Variants in MYO5B observed in about 807,000 individuals in gnomAD.
MYO5B encodes the protein unconventional myosin-Vb.
MYO5B carries 143 observed loss-of-function variants against 229.3 expected under a neutral mutation model. The ratio of observed to expected loss-of-function variants is 0.62; its 90% CI spans 0.54 to 0.72. The LOEUF (loss-of-function observed/expected upper bound fraction) is 0.72. Among genes scored for constraint, MYO5B ranks in the 30% least tolerant of loss-of-function variants. The probability of loss-of-function intolerance (pLI) is 0.00; values close to 1 mark genes in which losing one functional copy is unlikely to be tolerated. For synonymous variants in MYO5B, 918 were observed against 885.2 expected (o/e 1.04, Z -0.66); for missense variants, 2,321 against 2,331.0 (o/e 1.00, Z 0.09).
intron 4 of MYO5B, among the ~76,000 whole-genome samples, chr18:50,007,408 G>C (rs1264781218): frequency 6.6e-6 from 1 of 152,094 alleles, no homozygotes; most frequent in Non-Finnish European, 1.5e-5. Flanking sequence ...CATTACAATA[G>C]CAGCTTTCCA....
intron 17 of MYO5B, among the ~76,000 whole-genome samples, chr18:49,914,606 C>T (rs552558897): frequency 1.3e-5 from 2 of 151,714 alleles, no homozygotes; most frequent in East Asian, 3.9e-4. Flanking sequence ...ATAGTGAAAC[C>T]CTGTCTCTAC....
chr18:50,065,425 T>A (rs1260099299), intron 1 of MYO5B, among the ~76,000 whole-genome samples: 1 of 151,992 alleles, frequency 6.6e-6, no homozygotes, highest in African/African-American at 2.4e-5. Flanking sequence ...TTCAGGAAAC[T>A]TACAATCATG....
intron 17 of MYO5B, among the ~76,000 whole-genome samples, chr18:49,913,477 C>T (rs1047183906): frequency 6.6e-6 from 1 of 152,134 alleles, no homozygotes; most frequent in Non-Finnish European, 1.5e-5. Context: ...AAAGTCAGTC[C>T]AGCCTATCCC....
chr18:49,937,523 C>T, intron 14 of MYO5B, 126 bp from the exon 15 acceptor site: 1 of 1,101,432 alleles, frequency 9.1e-7, no homozygotes, highest in Non-Finnish European at 1.3e-6. Flanking sequence ...AACCCACACA[C>T]CAACCTGCAC....
At chr18:49,892,456 C>T (rs975381331) in intron 22 of MYO5B, among the ~76,000 whole-genome samples, 2 of 152,142 alleles carry the variant, frequency 1.3e-5, no homozygotes, top group African/African-American at 4.8e-5. Flanking sequence ...ATAGCAGTTC[C>T]AATACGACAC....
At chr18:49,869,369 T>C (rs985551379) in intron 27 of MYO5B, among the ~76,000 whole-genome samples, 3 of 152,174 alleles carry the variant, frequency 2.0e-5, no homozygotes, top group African/African-American at 4.8e-5. Flanking sequence ...GAGTGCTTCC[T>C]TACATGGGTA....
chr18:49,998,939 C>T (rs1448266434), intron 5 of MYO5B, among the ~76,000 whole-genome samples: 1 of 152,148 alleles, frequency 6.6e-6, no homozygotes, highest in East Asian at 1.9e-4. Context: ...GATGTACAAA[C>T]ATCGTGAATG....
At chr18:49,849,806 T>C in intron 31 of MYO5B, 146 bp from the exon 32 acceptor site, 1 of 732,816 alleles carries the variant, frequency 1.4e-6, no homozygotes, top group Non-Finnish European at 2.5e-6. Context: ...CCAGGAGAGC[T>C]GCTCTTCACA....
At chr18:50,065,290 G>A (rs2030791397) in intron 1 of MYO5B, among the ~76,000 whole-genome samples, 1 of 152,094 alleles carries the variant, frequency 6.6e-6, no homozygotes, top group South Asian at 2.1e-4. Context: ...CGAGGTGCTG[G>A]GCACAGTGAA....
chr18:50,005,796 T>C (rs992249323), intron 4 of MYO5B, among the ~76,000 whole-genome samples: 1 of 152,170 alleles, frequency 6.6e-6, no homozygotes, highest in Non-Finnish European at 1.5e-5. Flanking sequence ...TTCCCACCAC[T>C]GCCGTTTCTG....
intron 29 of MYO5B, among the ~76,000 whole-genome samples, chr18:49,862,756 T>C (rs1052893527): frequency 6.6e-6 from 1 of 152,118 alleles, no homozygotes; most frequent in Non-Finnish European, 1.5e-5. Context: ...ATGCTTCCAT[T>C]CCACCCCCAA....
At position 49,864,320 on chromosome 18, in the gene MYO5B, C is replaced by G. The variant is rs771730210; in HGVS notation, c.3664G>C (p.Ala1222Pro). The part of the protein sequence containing the change: ...LKNDLNELRK[A>P]VADQATQNNS... Reference sequence around the variant, plus strand: ...TTCTGCGTGGCTTGGTCGGCCACGGCTTTCCTCAGCTCATTCAGGTCATTC... The same window carrying G: ...TTCTGCGTGGCTTGGTCGGCCACGGGTTTCCTCAGCTCATTCAGGTCATTC... Residue 1222 changes from alanine to proline, a missense_variant, in exon 28 of 40, where the codon GCC becomes CCC. Ala to Pro is a conservative substitution (Grantham distance 27). This residue lies in a region of MYO5B where 2,113 missense variants were observed against 2,044.7 expected (regional missense o/e 1.03). Coordinates refer to ENST00000285039, the MANE Select transcript of MYO5B (RefSeq NM_001080467.3). The G allele has an allele frequency of 6.2e-7, 1 of 1,614,114 alleles. No individual in the cohort carries two copies. The highest frequency in any genetic ancestry group is 1.1e-5 in the South Asian group (1 of 91,084).
chr18:50,044,411 A>T (rs872204), intron 2 of MYO5B, among the ~76,000 whole-genome samples: 28,223 of 152,126 alleles, frequency 0.19, 2,707 homozygotes, highest in South Asian at 0.24. Flanking sequence ...CATCCACTCC[A>T]TAATAACTGG....
chr18:49,855,597 C>T (rs187563883), intron 30 of MYO5B, among the ~76,000 whole-genome samples: 37 of 152,262 alleles, frequency 2.4e-4, no homozygotes, highest in Admixed American at 2.4e-3. Flanking sequence ...TTTATTATTC[C>T]ATGGTTACGT....
chr18:50,037,038 A>C, intron 3 of MYO5B, 44 bp from the exon 4 acceptor site: 2 of 1,612,294 alleles, frequency 1.2e-6, no homozygotes, highest in Non-Finnish European at 1.7e-6. Context: ...CACAGAAGAC[A>C]CCTGGCATTA....
intron 1 of MYO5B, among the ~76,000 whole-genome samples, chr18:50,111,738 A>G (rs111475852): frequency 0.01 from 1,551 of 152,358 alleles, 30 homozygotes; most frequent in African/African-American, 0.035. Flanking sequence ...TCATTAAGGT[A>G]AAATAAAACT....
chr18:49,923,804 T>C (rs371404535), intron 17 of MYO5B, among the ~76,000 whole-genome samples: 8 of 152,312 alleles, frequency 5.3e-5, no homozygotes, highest in African/African-American at 1.9e-4. Flanking sequence ...GCCCCTTATA[T>C]ACTGAGGGGG....
intron 36 of MYO5B, 140 bp from the exon 37 acceptor site, chr18:49,837,942 T>A: frequency 1.7e-6 from 2 of 1,151,046 alleles, no homozygotes; most frequent in Admixed American, 4.1e-5. Flanking sequence ...TAGGAACTTA[T>A]AACATTTGGC....
Position 49,929,574 on chromosome 18 carries a change from C to A in MYO5B, c.2028G>T (p.Gln676His). The A allele has an allele frequency of 6.2e-7, 1 of 1,602,822 alleles. No homozygotes were observed. Residue 676 changes from glutamine to histidine, a missense_variant, in exon 17 of 40, where the codon CAG becomes CAT. By Grantham distance (24) the Gln-to-His change is conservative. Around this residue, in one of 2 missense-constraint regions of MYO5B, gnomAD observed 2,113 missense variants for 2,044.7 expected, o/e 1.03. Transcript: ENST00000285039. ...CCAACACCCCGCAGGCTCTGAGTTG[C>A]TGCACTGCTCTCTTTGGGTCAAAGC... ...PFHFDPKRAV[Q>H]QLRACGVLET...
Sources: allele counts gnomAD v4.1 joint callset (sites outside exome capture counted in the v4.1 genomes callset), GRCh38; gene constraint gnomAD v4.1.1; regional missense constraint gnomAD v4.1.1; transcripts MANE v1.5; gene names NCBI Gene and HGNC (gene_info 2026-07-23, HGNC 2026-07-21).